Variants in FER1L6 observed in about 807,000 individuals in gnomAD.
FER1L6 encodes fer-1-like protein 6.
A neutral mutation model predicts 219.2 loss-of-function variants in FER1L6; 177 were observed. That is an observed-to-expected ratio of 0.81 (90% CI 0.71 to 0.91). The LOEUF is 0.91. Among genes scored for constraint, FER1L6 ranks in the 40% least tolerant of loss-of-function variants. The pLI, the probability that FER1L6 is intolerant of heterozygous loss-of-function variation, is 0.00. For missense variants in FER1L6, 2,153 were observed against 2,259.9 expected, an observed-to-expected ratio of 0.95 and a Z score of 0.96; for synonymous variants, 768 against 824.3, an observed-to-expected ratio of 0.93 and a Z score of 1.17.
intron 6 of FER1L6, among the ~76,000 whole-genome samples, chr8:123,971,924 T>G (rs544206285): frequency 6.6e-6 from 1 of 152,338 alleles, no homozygotes; most frequent in African/African-American, 2.4e-5. Flanking sequence ...TGCCTGGCAC[T>G]CAACCACTGG....
intron 1 of FER1L6, among the ~76,000 whole-genome samples, chr8:123,856,726 C>T (rs907822246): frequency 3.9e-5 from 6 of 152,046 alleles, no homozygotes; most frequent in Non-Finnish European, 8.8e-5. Context: ...GTTAGCACCA[C>T]ACATTAACTA....
At chr8:124,049,803 A>G (rs966794837) in intron 22 of FER1L6, 47 bp downstream of exon 22, 4 of 1,604,192 alleles carry the variant, frequency 2.5e-6, no homozygotes, top group Non-Finnish European at 3.4e-6. Context: ...CTACCTGGCC[A>G]GAGAAGTGGC....
At chr8:124,047,241 G>C (rs1819777929) in intron 21 of FER1L6, among the ~76,000 whole-genome samples, 2 of 152,346 alleles carry the variant, frequency 1.3e-5, no homozygotes, top group Non-Finnish European at 1.5e-5. Context: ...TTTGGAGCCA[G>C]GCAGACTTCA....
At chr8:124,114,374 CA>C (rs2131035112) in intron 39 of FER1L6, among the ~76,000 whole-genome samples, 1 of 152,120 alleles carries the variant, frequency 6.6e-6, no homozygotes, top group African/African-American at 2.4e-5. Flanking sequence ...GGATTTTTAA[CA>C]AATATGTTGT....
intron 32 of FER1L6, among the ~76,000 whole-genome samples, chr8:124,080,396 C>A (rs571982291): frequency 6.6e-6 from 1 of 152,192 alleles, no homozygotes; most frequent in South Asian, 2.1e-4. Context: ...TGGCTCACTG[C>A]AACCTCCACC....
intron 32 of FER1L6, among the ~76,000 whole-genome samples, chr8:124,078,628 A>C (rs529621437): frequency 6.6e-6 from 1 of 151,900 alleles, no homozygotes; most frequent in African/African-American, 2.4e-5. Flanking sequence ...GTGCCCATGA[A>C]TATTGAGAGA....
rs1817056130 is a variant in FER1L6, at chr8:123,878,740, C to G, written c.-8+26555C>G. Among the ~76,000 whole-genome samples, 6 of 152,206 alleles carry G rather than the reference C, an allele frequency of 3.9e-5. No individual in the cohort carries two copies. In the South Asian group the frequency reaches 1.2e-3, roughly 32 times the overall value. On this transcript the variant is annotated intron_variant, in intron 1 of 40. Coordinates refer to ENST00000522917, the MANE Select transcript of FER1L6 (RefSeq NM_001039112.2). ...TACTTTTTTTTGCCTTGTCCAAATA[C>G]TATTTTTCCTATTCCTTTGTATAAA... is the stretch of plus-strand genomic sequence containing the variant.
intron 1 of FER1L6, among the ~76,000 whole-genome samples, chr8:123,874,488 G>A (rs544310817): frequency 2.6e-5 from 4 of 152,284 alleles, no homozygotes; most frequent in Non-Finnish European, 5.9e-5. Flanking sequence ...CTAAAGAAAC[G>A]GTAGCTGGCT....
At chr8:124,081,089 G>C (rs1324715793) in intron 32 of FER1L6, among the ~76,000 whole-genome samples, 6 of 152,118 alleles carry the variant, frequency 3.9e-5, no homozygotes. Context: ...CTGACCATGA[G>C]GGCAGCAGCC....
At chr8:124,100,983 T>C in intron 37 of FER1L6, 114 bp from the exon 38 acceptor site, 1 of 993,434 alleles carries the variant, frequency 1.0e-6, no homozygotes, top group Non-Finnish European at 1.5e-6. Context: ...CTAATTATAA[T>C]GATTTTTAAA....
chr8:124,083,641 G>C (rs771330612), intron 33 of FER1L6, among the ~76,000 whole-genome samples: 1 of 151,972 alleles, frequency 6.6e-6, no homozygotes, highest in Non-Finnish European at 1.5e-5. Context: ...GTCTGTTGTT[G>C]TGCCAATACC....
chr8:123,968,678 G>A (rs1352528329), intron 5 of FER1L6, among the ~76,000 whole-genome samples: 1 of 152,166 alleles, frequency 6.6e-6, no homozygotes, highest in Non-Finnish European at 1.5e-5. Context: ...TTCCTGAAAT[G>A]TTGTATGTAT....
At chr8:124,075,766 T>G (rs570694041) in intron 31 of FER1L6, among the ~76,000 whole-genome samples, 48 of 152,310 alleles carry the variant, frequency 3.2e-4, no homozygotes, top group African/African-American at 1.2e-3. Flanking sequence ...TTCAGCTCCA[T>G]TATAATTTTA....
intron 1 of FER1L6, among the ~76,000 whole-genome samples, chr8:123,907,239 A>G (rs1473426751): frequency 1.3e-5 from 2 of 152,184 alleles, no homozygotes; most frequent in East Asian, 3.9e-4. Context: ...CCTAAAGAGG[A>G]AGGAGGAATG....
chr8:124,081,135 C>T (rs1247750240), intron 32 of FER1L6, among the ~76,000 whole-genome samples: 2 of 152,140 alleles, frequency 1.3e-5, no homozygotes, highest in Non-Finnish European at 2.9e-5. Flanking sequence ...AAATAATGGG[C>T]TCGCATTCTC....
chr8:124,065,984 GGTATTATT>G (rs1291664458), intron 26 of FER1L6, among the ~76,000 whole-genome samples: 2 of 152,104 alleles, frequency 1.3e-5, no homozygotes, highest in African/African-American at 4.8e-5. Flanking sequence ...AACAGTTGTG[GGTATTATT>G]GTCCCTAGTT....
At chr8:123,969,261 T>C (rs1196559024) in intron 5 of FER1L6, among the ~76,000 whole-genome samples, 2 of 152,178 alleles carry the variant, frequency 1.3e-5, no homozygotes, top group Admixed American at 6.5e-5. Context: ...TCAATCATGT[T>C]CTTAATATTA....
At position 123,867,791 on chromosome 8, in the gene FER1L6, A is replaced by G. The variant is rs147351585; in HGVS notation, c.-8+15606A>G. On this transcript the variant is annotated intron_variant, in intron 1 of 40. Transcript: ENST00000522917. ...CTTATTTAAGTGGTTTTATTGAAGC[A>G]TAATGAACTTACAGAAAAGTTCACA... Among the ~76,000 whole-genome samples the G allele has an allele frequency of 4.7e-4, 72 of 152,326 alleles. No individual in the cohort carries two copies. In the Middle Eastern group the frequency reaches 0.01, roughly 22 times the overall value.
chr8:124,119,577 C>CCTT, intron 40 of FER1L6, 30 bp from the exon 41 acceptor site: 26 of 1,495,894 alleles, frequency 1.7e-5, no homozygotes, highest in Admixed American at 1.2e-4. Context: ...AGGATGCCCC[C>CCTT]TTTTTGATTT....
Sources: allele counts gnomAD v4.1 joint callset (sites outside exome capture counted in the v4.1 genomes callset), GRCh38; gene constraint gnomAD v4.1.1; transcripts MANE v1.5; gene names NCBI Gene and HGNC (gene_info 2026-07-23, HGNC 2026-07-21).